Variants in MIDN observed in about 807,000 individuals in gnomAD.
MIDN encodes the protein midbrain nucleolar protein.
Under a neutral mutation model 46.1 loss-of-function variants are expected in MIDN, and 26 were observed. The ratio of observed to expected loss-of-function variants is 0.56; its 90% CI spans 0.41 to 0.78. The LOEUF (loss-of-function observed/expected upper bound fraction) is 0.78. Among genes scored for constraint, MIDN ranks in the 30% least tolerant of loss-of-function variants. The pLI is 0.00. For missense variants in MIDN, 850 were observed against 771.8 expected (o/e 1.10, Z -1.20); for synonymous variants, 432 against 343.3 (o/e 1.26, Z -2.86).
At position 1,258,158 on chromosome 19, in the gene MIDN, T is replaced by G. The variant is rs2081224749; in HGVS notation, c.*886T>G. 1 of 152,608 alleles carries G rather than the reference T, an allele frequency of 6.6e-6. No homozygotes were observed. The highest frequency in any genetic ancestry group is 2.4e-5 in the African/African-American group (1 of 41,464). The allele number at this position is 152,608 out of a possible 1,614,324, so 9.5% of individuals were successfully genotyped here. On this transcript the variant is annotated 3_prime_UTR_variant, in exon 9 of 9. Transcript: ENST00000682408. ...GGGTATTTATAGACTATTAATTTTC[T>G]GACTGAGCCAATAGTGGTTGGGGAA...
rs373707840 is a variant in MIDN, at chr19:1,257,517, T to TTCCTCCTCC, written c.*258_*266dup. On this transcript the variant is annotated 3_prime_UTR_variant, in exon 9 of 9. Transcript: ENST00000682408. Reference sequence around the variant, plus strand: ...TTCACCCTTCACTCCTGCCCTCCTCTTCCTCCTCCTCCTCCTCCTCCGTCT... The same window carrying TTCCTCCTCC: ...TTCACCCTTCACTCCTGCCCTCCTCTTCCTCCTCCTCCTCCTCCTCCTCCTCCTCCGTCT... The TTCCTCCTCC allele has an allele frequency of 7.0e-4, 283 of 406,694 alleles. 4 individuals are homozygous for TTCCTCCTCC. The highest frequency in any genetic ancestry group is 4.8e-3 in the East Asian group (101 of 21,170). The allele number at this position is 406,694 out of a possible 1,614,324, so 25.2% of individuals were successfully genotyped here.
intron 4 of MIDN, 29 bp downstream of exon 4, chr19:1,251,930 G>C: frequency 6.3e-7 from 1 of 1,598,732 alleles, no homozygotes; most frequent in South Asian, 1.1e-5. Context: ...CTTCCTAACA[G>C]GGCAGCCCTG....
intron 4 of MIDN, among the ~76,000 whole-genome samples, chr19:1,252,366 G>A (rs1033084440): frequency 6.6e-6 from 1 of 152,066 alleles, no homozygotes; most frequent in Admixed American, 6.5e-5. Context: ...AGAGGGTGGG[G>A]ATCTCGTCAC....
chr19:1,257,617 G>T lies in MIDN; in HGVS notation c.*345G>T, dbSNP rs1478156108. On this transcript the variant is annotated 3_prime_UTR_variant, in exon 9 of 9. Transcript: ENST00000682408. ...AGCTCCAATATGTAGCAGTCTCTCT[G>T]GATGGCGGAGAGTGAAGGAGACGGA... 2 of 266,588 alleles carry T rather than the reference G, an allele frequency of 7.5e-6. No homozygotes were observed. Among genetic ancestry groups the T allele is most frequent in the Non-Finnish European group, 1.4e-5 (2 of 140,638 alleles). The allele number at this position is 266,588 out of a possible 1,614,324, so 16.5% of individuals were successfully genotyped here.
rs1410976374 is a variant in MIDN at position 1,254,339 on chromosome 19, C to T, written c.686C>T (p.Ser229Phe). 3.8e-6 allele frequency: 6 copies of T among 1,566,998 alleles called. No individual in the cohort carries two copies. Among genetic ancestry groups the T allele is most frequent in the East Asian group, 2.3e-5 (1 of 42,970 alleles). ...AAARGDPSIASPVSSPCRPVS... is the reference protein window; with the variant it reads ...AAARGDPSIAFPVSSPCRPVS... The stretch of plus-strand genomic sequence containing the variant: ...GCGCGGGGGGACCCCAGCATAGCCT[C>T]CCCCGTGTCCTCGCCCTGCCGGCCG... The change falls in exon 6 of 9, where the codon TCC becomes TTC. Residue 229 changes from serine to phenylalanine, a missense_variant. By Grantham distance (155) the Ser-to-Phe change is radical. Transcript: ENST00000682408.
chr19:1,255,866 C>T (rs1356181477), intron 8 of MIDN, among the ~76,000 whole-genome samples, 172 bp downstream of exon 8: 1 of 152,258 alleles, frequency 6.6e-6, no homozygotes, highest in African/African-American at 2.4e-5. Context: ...GCATGTGTGT[C>T]AGGGCACAAA....
intron 1 of MIDN, among the ~76,000 whole-genome samples, chr19:1,249,666 CCTGGGCG>C (rs1248122122): frequency 1.4e-5 from 2 of 141,890 alleles, no homozygotes; most frequent in South Asian, 2.3e-4. Context: ...CCCTTGGTCG[CCTGGGCG>C]CTGGGGGCGG....
At chr19:1,253,050 G>GA (rs1253047504) in intron 4 of MIDN, among the ~76,000 whole-genome samples, 2 of 151,504 alleles carry the variant, frequency 1.3e-5, no homozygotes, top group African/African-American at 2.4e-5. Context: ...GGGCTGGAGG[G>GA]GGTGCTGGGC....
Position 1,257,149 on chromosome 19 carries a change from C to T in MIDN, c.1413C>T (p.Asp471=), listed in dbSNP as rs1418401940. 1 of 1,611,456 alleles carries T rather than the reference C, an allele frequency of 6.2e-7. No individual in the cohort carries two copies. The highest frequency in any genetic ancestry group is 8.5e-7 in the Non-Finnish European group (1 of 1,179,158). ...CCAGCCGCAAGGCCGGCCGCAGCGA[C>T]AGCAGTAGCAGCGGGGGCGGCGGCA... ...WSPSRKAGRS[D]SSSSGGGGSP... Residue 471 remains aspartate, a synonymous_variant, in exon 9 of 9, where the codon GAC becomes GAT. Transcript: ENST00000682408.
At chr19:1,251,957 G>A (rs2081135081) in intron 4 of MIDN, 56 bp downstream of exon 4, 4 of 1,470,768 alleles carry the variant, frequency 2.7e-6, no homozygotes, top group East Asian at 4.7e-5. Context: ...GGGTGCCTTG[G>A]CCACCGACGG....
intron 1 of MIDN, among the ~76,000 whole-genome samples, chr19:1,249,615 G>GGCGGGC (rs1321140093): frequency 2.7e-5 from 4 of 149,438 alleles, no homozygotes; most frequent in Admixed American, 6.6e-5. Context: ...GCGGGGCGGG[G>GGCGGGC]GCGGGCGCGG....
rs141429373 is a variant in MIDN, at chr19:1,257,421, A to C, written c.*149A>C. 42 of 633,378 alleles carry C rather than the reference A, an allele frequency of 6.6e-5. No individual in the cohort carries two copies. Among genetic ancestry groups the C allele is most frequent in the Middle Eastern group, 8.5e-4 (2 of 2,344 alleles). The allele number at this position is 633,378 out of a possible 1,614,324, so 39.2% of individuals were successfully genotyped here. A position where few individuals can be genotyped will look rare whatever the true frequency, so the allele number is the denominator to read the frequency against. Reference sequence around the variant, plus strand: ...TTTTTTTCTTTTCTTCTTTTTTATTATTTTTTTCTTTTTTTAAAAAGTTCT... The same window carrying C: ...TTTTTTTCTTTTCTTCTTTTTTATTCTTTTTTTCTTTTTTTAAAAAGTTCT... On this transcript the variant is annotated 3_prime_UTR_variant, in exon 9 of 9. Transcript: ENST00000682408.
At chr19:1,250,813 G>A (rs1336640027) in intron 2 of MIDN, among the ~76,000 whole-genome samples, 6 of 151,936 alleles carry the variant, frequency 3.9e-5, no homozygotes, top group African/African-American at 1.2e-4. Flanking sequence ...GGCTGCGGGT[G>A]TGGGGGCCGC....
chr19:1,253,428 C>CCT (rs1555748763), intron 4 of MIDN, among the ~76,000 whole-genome samples: 1 of 151,446 alleles, frequency 6.6e-6, no homozygotes, highest in Non-Finnish European at 1.5e-5. Flanking sequence ...GCCACCCCCC[C>CCT]CCCCATCCCG....
rs761974071 is a variant in MIDN at position 1,254,070 on chromosome 19, C to G, written c.501C>G (p.Gly167=). Residue 167 remains glycine (G), a synonymous_variant, in exon 5 of 9, where the codon GGC becomes GGG. Coordinates refer to ENST00000682408, the MANE Select transcript of MIDN (RefSeq NM_001388306.1). ...RQGPQSPERG[G]ERPQVSDFLS... is the part of the protein sequence containing the mutation. ...GACCCCAGAGCCCAGAGAGGGGCGGCGAGAGGCCCCAGGTCACAGCGCGGG... is the reference window on the plus strand; with the variant it reads ...GACCCCAGAGCCCAGAGAGGGGCGGGGAGAGGCCCCAGGTCACAGCGCGGG... The G allele has an allele frequency of 6.8e-7, 1 of 1,472,498 alleles. No homozygotes were observed. Among genetic ancestry groups the G allele is most frequent in the Admixed American group, 2.6e-5 (1 of 37,962 alleles). 91.2% of individuals were successfully genotyped at this position (1,472,498 alleles called of 1,614,324 possible).
chr19:1,254,062 A>G lies in MIDN; in HGVS notation c.493A>G (p.Arg165Gly). Residue 165 changes from arginine to glycine, a missense_variant, in exon 5 of 9, where the codon AGG (arginine) becomes GGG (glycine). By Grantham distance (125) the Arg-to-Gly change is moderately radical. Transcript: ENST00000682408. The part of the protein sequence containing the change: ...WHRQGPQSPE[R>G]GGERPQVSDF... Reference sequence around the variant, plus strand: ...CCGACAGGGACCCCAGAGCCCAGAGAGGGGCGGCGAGAGGCCCCAGGTCAC... The same window carrying G: ...CCGACAGGGACCCCAGAGCCCAGAGGGGGGCGGCGAGAGGCCCCAGGTCAC... 1 of 1,464,716 alleles carries G rather than the reference A, an allele frequency of 6.8e-7. No individual in the cohort carries two copies. The highest frequency in any genetic ancestry group is 9.0e-7 in the Non-Finnish European group (1 of 1,115,322). The allele number at this position is 1,464,716 out of a possible 1,614,324, so 90.7% of individuals were successfully genotyped here.
intron 1 of MIDN, among the ~76,000 whole-genome samples, 185 bp from the exon 2 acceptor site, chr19:1,249,705 G>C (rs1278871390): frequency 6.7e-6 from 1 of 148,724 alleles, no homozygotes; most frequent in Non-Finnish European, 1.5e-5. Flanking sequence ...GGGCCCGGCT[G>C]CCACGTGGGG....
chr19:1,250,690 C>T (rs1445859122), intron 2 of MIDN, among the ~76,000 whole-genome samples, 161 bp downstream of exon 2: 1 of 150,894 alleles, frequency 6.6e-6, no homozygotes, highest in Non-Finnish European at 1.5e-5. Flanking sequence ...CTGCCTCGGC[C>T]CCCTCCCCCG....
In MIDN at chr19:1,254,469, C is replaced by T. The variant is rs569547832; in HGVS notation, c.816C>T (p.Thr272=). The T allele has an allele frequency of 5.1e-6, 8 of 1,556,310 alleles. No individual in the cohort carries two copies. In the African/African-American group the frequency reaches 6.8e-5, roughly 13 times the overall value. ...TCCGGTCCCACGCAGCCTCCACCACCTGCCCGGAGGTGAGCCTGGGGAAGG... is the reference window on the plus strand; with the variant it reads ...TCCGGTCCCACGCAGCCTCCACCACTTGCCCGGAGGTGAGCCTGGGGAAGG... The part of the protein sequence containing the change: ...GSFRSHAAST[T]CPEQMDCSPT... The change falls in exon 6 of 9, where the codon ACC becomes ACT. Residue 272 remains threonine (T), a synonymous_variant. Transcript: ENST00000682408.
Sources: gnomAD v4.1 joint callset for allele counts (sites outside exome capture counted in the v4.1 genomes callset) on GRCh38, gnomAD v4.1.1 for gene constraint, MANE v1.5 for transcripts, NCBI Gene and HGNC (gene_info 2026-07-23, HGNC 2026-07-21) for gene names.